Variants in FLNB observed in about 807,000 individuals in gnomAD.
The protein encoded by FLNB is filamin B.
A neutral mutation model predicts 250.6 loss-of-function variants in FLNB; 111 were observed. The observed-to-expected ratio is 0.44, with a 90% CI of 0.38 to 0.52. The LOEUF is 0.52. Ranked by LOEUF, FLNB falls within the 20% of genes least tolerant of loss-of-function variation. The pLI is 0.00. For missense variants in FLNB, 2,869 were observed against 3,447.8 expected, an observed-to-expected ratio of 0.83 and a Z score of 4.20; for synonymous variants, 1,302 against 1,372.1, an observed-to-expected ratio of 0.95 and a Z score of 1.13.
Position 58,142,881 on chromosome 3 carries a change from C to A in FLNB, c.5284+129C>A. On this transcript the variant is annotated intron_variant, in intron 31 of 45. Transcript: ENST00000295956. This position sits in a 1 kb window ranked among gnomAD's most constrained non-coding sequence, Gnocchi z 4.3. ...TAACCCAGGGTCACGAGTTCTTGGT[C>A]TCCGGTGTTGGGCCGTGGGCTCCTG... 1 of 788,854 alleles carries A rather than the reference C, an allele frequency of 1.3e-6. No individual in the cohort carries two copies. The highest frequency in any genetic ancestry group is 2.2e-6 in the Non-Finnish European group (1 of 461,522). 48.9% of individuals were successfully genotyped at this position (788,854 alleles called of 1,614,324 possible).
chr3:58,168,411 A>G (rs1279563348), intron 43 of FLNB, 29 bp from the exon 44 acceptor site: 3 of 1,575,998 alleles, frequency 1.9e-6, no homozygotes, highest in Admixed American at 1.7e-5. Context: ...CAAGTCATCA[A>G]CACAGCATTT....
intron 4 of FLNB, among the ~76,000 whole-genome samples, chr3:58,090,570 G>T (rs752435909): frequency 5.9e-5 from 9 of 152,130 alleles, no homozygotes; most frequent in South Asian, 2.1e-4. Flanking sequence ...ATGCGTTACT[G>T]TGACGTCAGT....
rs369212200 is a variant in FLNB, at chr3:58,154,772, G to A, written c.6635-19G>A. ...CTCTGTGGGGCTCAGTCACTAACCA[G>A]GTTTCTCTTTGCTCTCAGCTGAGTT... On this transcript the variant is annotated intron_variant, in intron 39 of 45. Coordinates refer to ENST00000295956, the MANE Select transcript of FLNB (RefSeq NM_001457.4). 5.0e-6 allele frequency: 8 copies of A among 1,613,590 alleles called. No individual in the cohort carries two copies. Among genetic ancestry groups the A allele is most frequent in the African/African-American group, 1.3e-5 (1 of 75,010 alleles).
intron 1 of FLNB, among the ~76,000 whole-genome samples, chr3:58,076,094 T>C (rs543019538): frequency 2.0e-5 from 3 of 152,314 alleles, no homozygotes; most frequent in South Asian, 2.1e-4. Flanking sequence ...ATTTGTGTCA[T>C]GGCTTACTCT....
intron 25 of FLNB, among the ~76,000 whole-genome samples, chr3:58,131,232 G>C (rs2097306840): frequency 6.6e-6 from 1 of 152,134 alleles, no homozygotes; most frequent in African/African-American, 2.4e-5. Context: ...GGGTTGCTCT[G>C]GATGTGGCAG....
At chr3:58,133,979 T>C (rs1452322333) in intron 26 of FLNB, among the ~76,000 whole-genome samples, 1 of 152,236 alleles carries the variant, frequency 6.6e-6, no homozygotes, top group African/African-American at 2.4e-5. Flanking sequence ...GTGACCATGA[T>C]CTTAGCATAA....
At chr3:58,119,383 C>T (rs1209101666) in intron 19 of FLNB, among the ~76,000 whole-genome samples, 1 of 152,232 alleles carries the variant, frequency 6.6e-6, no homozygotes, top group East Asian at 1.9e-4. Flanking sequence ...CTAACTGTGC[C>T]AGCTATCCTT....
intron 1 of FLNB, among the ~76,000 whole-genome samples, chr3:58,021,189 C>T (rs1266255802): frequency 6.6e-6 from 1 of 152,182 alleles, no homozygotes; most frequent in Non-Finnish European, 1.5e-5. Flanking sequence ...CCTGGTGCTT[C>T]TTGCCCAGGA....
intron 1 of FLNB, among the ~76,000 whole-genome samples, chr3:58,072,992 T>C (rs1053227691): frequency 2.0e-5 from 3 of 152,190 alleles, no homozygotes; most frequent in African/African-American, 7.2e-5. Flanking sequence ...AGTCTGCTTT[T>C]GAAAAGCATT....
chr3:58,122,481 A>G (rs2097290700), intron 20 of FLNB, among the ~76,000 whole-genome samples: 1 of 144,968 alleles, frequency 6.9e-6, no homozygotes, highest in African/African-American at 2.6e-5. Context: ...CAACAGAGTG[A>G]GATTCCGTCC....
chr3:58,121,139 A>C, intron 19 of FLNB, 102 bp from the exon 20 acceptor site: 1 of 1,472,872 alleles, frequency 6.8e-7, no homozygotes, highest in Non-Finnish European at 9.5e-7. Context: ...GTGGAGGCTG[A>C]GATAAGTCCC....
In FLNB at chr3:58,098,771, A is replaced by T; in HGVS notation, c.1208A>T (p.Glu403Val). Residue 403 changes from glutamate to valine, a missense_variant, in exon 8 of 46, where the codon GAG (glutamate) becomes GTG (valine). Glu to Val is a moderately radical substitution (Grantham distance 121). Around this residue, in one of 5 missense-constraint regions of FLNB, gnomAD observed 1,348 missense variants for 1,466.7 expected, o/e 0.92. Coordinates refer to ENST00000295956, the MANE Select transcript of FLNB (RefSeq NM_001457.4). The part of the protein sequence containing the change: ...VEDPQGKNTV[E>V]LLVEDKGNQV... ...GATCCCCAGGGGAAGAACACCGTGG[A>T]GTTGCTCGTGGAAGACAAAGGAAAC... The T allele has an allele frequency of 6.2e-7, 1 of 1,614,134 alleles. No homozygotes were observed. The highest frequency in any genetic ancestry group is 8.5e-7 in the Non-Finnish European group (1 of 1,180,036).
chr3:58,155,914 C>A, intron 40 of FLNB, 46 bp from the exon 41 acceptor site: 1 of 1,371,856 alleles, frequency 7.3e-7, no homozygotes, highest in Non-Finnish European at 1.0e-6. Context: ...AGAGTCCACT[C>A]TGGGTCCAGA....
intron 1 of FLNB, among the ~76,000 whole-genome samples, chr3:58,022,304 A>T (rs887192166): frequency 6.6e-6 from 1 of 152,236 alleles, no homozygotes; most frequent in Non-Finnish European, 1.5e-5. Flanking sequence ...AATGCAAAAC[A>T]GTGGTTCTTT....
At chr3:58,118,832 T>A in intron 18 of FLNB, 40 bp from the exon 19 acceptor site, 1 of 1,499,778 alleles carries the variant, frequency 6.7e-7, no homozygotes, top group South Asian at 1.1e-5. Flanking sequence ...GTTAGCTTTT[T>A]GGTACCCAAA....
chr3:58,168,473 G>A lies in FLNB; in HGVS notation c.7232G>A (p.Arg2411Gln), dbSNP rs775075616. 7.4e-5 allele frequency: 119 copies of A among 1,613,972 alleles called. 1 individual carries two copies. In the South Asian group the frequency reaches 1.1e-3, roughly 15 times the overall value. The change falls in exon 44 of 46, where the codon CGA (arginine) becomes CAA (glutamine). Residue 2411 changes from arginine (R) to glutamine (Q), a missense_variant. Arg to Gln is a conservative substitution (Grantham distance 43). Transcript: ENST00000295956. ...IQSEFFINTTRAGPGTLSVTI... is the reference protein window; with the variant it reads ...IQSEFFINTTQAGPGTLSVTI... ...TCGGAATTCTTTATTAACACCACCC[G>A]AGCAGGTCCAGGGACATTATCCGTC...
chr3:58,045,850 A>C (rs934309427), intron 1 of FLNB, among the ~76,000 whole-genome samples: 2 of 151,958 alleles, frequency 1.3e-5, no homozygotes, highest in African/African-American at 4.8e-5. Flanking sequence ...AAATATAAAA[A>C]TTAGCCGGGC....
chr3:58,061,312 G>A (rs1454815347), intron 1 of FLNB, among the ~76,000 whole-genome samples: 1 of 152,112 alleles, frequency 6.6e-6, no homozygotes, highest in Non-Finnish European at 1.5e-5. Context: ...CATAATACCT[G>A]TTGATTTTCC....
intron 1 of FLNB, among the ~76,000 whole-genome samples, chr3:58,053,503 C>G (rs1017067009): frequency 6.6e-6 from 1 of 152,218 alleles, no homozygotes; most frequent in Non-Finnish European, 1.5e-5. Flanking sequence ...CGCTGTCACC[C>G]GGGCTGGAGT....
Sources: allele counts gnomAD v4.1 joint callset (sites outside exome capture counted in the v4.1 genomes callset), GRCh38; gene constraint gnomAD v4.1.1; regional missense constraint gnomAD v4.1.1; non-coding constraint Gnocchi (gnomAD v3.1); transcripts MANE v1.5; gene names NCBI Gene and HGNC (gene_info 2026-07-23, HGNC 2026-07-21).